The following GON4L variants were observed in gnomAD, a reference collection of about 807,000 sequenced individuals.
The protein encoded by GON4L is gon-4 like, also known as GON-4-like protein.
Under a neutral mutation model 211.8 loss-of-function variants are expected in GON4L, and 87 were observed. That is an observed-to-expected ratio of 0.41 (90% CI 0.35 to 0.49). The LOEUF (loss-of-function observed/expected upper bound fraction) is 0.49. GON4L is among the 20% of genes least tolerant of loss of function. GON4L has a pLI of 0.15. For synonymous variants in GON4L, 875 were observed against 962.6 expected (o/e 0.91, Z 1.68); for missense variants, 2,155 against 2,659.5 (o/e 0.81, Z 4.17).
At chr1:155,807,071 C>A (rs1667196267) in intron 10 of GON4L, among the ~76,000 whole-genome samples, 1 of 147,430 alleles carries the variant, frequency 6.8e-6, no homozygotes, top group African/African-American at 2.5e-5. Context: ...TGTACTCCAA[C>A]CTAAGCAAGA....
chr1:155,801,992 C>A (rs1024785252), intron 11 of GON4L, among the ~76,000 whole-genome samples: 1 of 151,508 alleles, frequency 6.6e-6, no homozygotes, highest in Non-Finnish European at 1.5e-5. Flanking sequence ...GGATTACAGG[C>A]ATGAGCCACC....
chr1:155,831,501 AAAG>A, intron 2 of GON4L: 1 of 143,158 alleles, frequency 7.0e-6, no homozygotes, highest in Non-Finnish European at 1.5e-5. Flanking sequence ...AAATAAATAA[AAAG>A]TTATTTCTAG....
chr1:155,814,775 A>G (rs548136111), intron 8 of GON4L, among the ~76,000 whole-genome samples: 3 of 152,042 alleles, frequency 2.0e-5, no homozygotes, highest in Non-Finnish European at 2.9e-5. Context: ...AATAAAATCC[A>G]TCACTCAACT....
Position 155,820,669 on chromosome 1 carries a change from A to G in GON4L, c.964-13T>C, listed in dbSNP as rs1351780770. Reference sequence around the variant, plus strand: ...TCATTTTAGGCTCCTAAGGAGAAAAAAACAGAAAGGAAATCCTCAATAAAA... The same window carrying G: ...TCATTTTAGGCTCCTAAGGAGAAAAGAACAGAAAGGAAATCCTCAATAAAA... On this transcript the variant is annotated splice_polypyrimidine_tract_variant and intron_variant, in intron 5 of 31. Coordinates refer to ENST00000368331, the MANE Select transcript of GON4L (RefSeq NM_001282860.2). 6.3e-7 allele frequency: 1 copy of G among 1,593,922 alleles called. No individual in the cohort carries two copies. Among genetic ancestry groups the G allele is most frequent in the South Asian group, 1.1e-5 (1 of 90,680 alleles).
chr1:155,752,312 A>C lies in GON4L; in HGVS notation c.6121T>G (p.Leu2041Val), dbSNP rs543337997. 6.3e-7 allele frequency: 1 copy of C among 1,592,234 alleles called. No homozygotes were observed. The highest frequency in any genetic ancestry group is 8.6e-7 in the Non-Finnish European group (1 of 1,161,274). ...LVWDASETEKLPGTVEPPASF... is the reference protein window; with the variant it reads ...LVWDASETEKVPGTVEPPASF... ...GCAGGGGGTTCCACGGTACCAGGCA[A>C]TTTCTCAGTTTCTGATGCATCCCAG... is the stretch of plus-strand genomic sequence containing the variant. The change falls in exon 30 of 32, where the codon TTG becomes GTG. Residue 2041 changes from leucine to valine, a missense_variant. By Grantham distance (32) the Leu-to-Val change is conservative. Around this residue, in one of 6 missense-constraint regions of GON4L, gnomAD observed 186 missense variants for 308.1 expected, o/e 0.60. Transcript: ENST00000368331.
intron 12 of GON4L, among the ~76,000 whole-genome samples, chr1:155,790,131 A>C (rs964473257): frequency 4.6e-5 from 7 of 151,186 alleles, no homozygotes; most frequent in Non-Finnish European, 7.4e-5. Flanking sequence ...ACAGCGTCTC[A>C]CTCTGTTGCC....
chr1:155,788,138 T>C (rs1397636169), intron 12 of GON4L, among the ~76,000 whole-genome samples: 2 of 152,114 alleles, frequency 1.3e-5, no homozygotes, highest in Non-Finnish European at 2.9e-5. Flanking sequence ...ACTACAGGCA[T>C]GCGCCACCAC....
rs1466838866 is a variant in GON4L, at chr1:155,765,319, T to G, written c.4154A>C (p.Gln1385Pro). The G allele has an allele frequency of 1.2e-6, 2 of 1,614,236 alleles. No homozygotes were observed. Among genetic ancestry groups the G allele is most frequent in the Non-Finnish European group, 8.5e-7 (1 of 1,180,032 alleles). The stretch of plus-strand genomic sequence containing the variant: ...AGAAGATGAAGGGGTTTTAGTTGGC[T>G]GACTCCTCTCCTCTTCCTTCTGTAA... ...TVLQKEEERS[Q>P]PTKTPSSSQE... Residue 1385 changes from glutamine to proline, a missense_variant, in exon 21 of 32, where the codon CAG becomes CCG. Physicochemically the swap from Gln to Pro is moderately conservative, Grantham distance 76 (BLOSUM62 -1). Around this residue, in one of 6 missense-constraint regions of GON4L, gnomAD observed 615 missense variants for 625.7 expected, o/e 0.98. Transcript: ENST00000368331.
At chr1:155,821,575 T>C in intron 4 of GON4L, 27 bp from the exon 5 acceptor site, 2 of 1,395,282 alleles carry the variant, frequency 1.4e-6, no homozygotes, top group Non-Finnish European at 2.0e-6. Flanking sequence ...TTTCACTTTA[T>C]GCAACAAGGG....
In GON4L at chr1:155,766,182, C is replaced by T; in HGVS notation, c.3291G>A (p.Val1097=). ...ESQTLLSSAP[V]PKVMLPSLAP... ...CAAGGGAGGGCAGCATTACCTTGGGCACAGGGGCAGAAGAGAGCAAAGTCT... is the reference window on the plus strand; with the variant it reads ...CAAGGGAGGGCAGCATTACCTTGGGTACAGGGGCAGAAGAGAGCAAAGTCT... The change falls in exon 21 of 32, where the codon GTG becomes GTA. Residue 1097 remains valine (V), a synonymous_variant. Coordinates refer to ENST00000368331, the MANE Select transcript of GON4L (RefSeq NM_001282860.2). The T allele has an allele frequency of 6.2e-7, 1 of 1,614,064 alleles. No individual in the cohort carries two copies. Among genetic ancestry groups the T allele is most frequent in the African/African-American group, 1.3e-5 (1 of 74,998 alleles).
At position 155,765,523 on chromosome 1, in the gene GON4L, G is replaced by A. The variant is rs1394700059; in HGVS notation, c.3950C>T (p.Thr1317Ile). The change falls in exon 21 of 32, where the codon ACC becomes ATC. Residue 1317 changes from threonine (T) to isoleucine (I), a missense_variant. Coordinates refer to ENST00000368331, the MANE Select transcript of GON4L (RefSeq NM_001282860.2). ...QGIQESLNNP[T>I]PGDLEEIVKM... is the part of the protein sequence containing the mutation. ...GACAATTTCCTCTAAATCCCCAGGGGTAGGGTTGTTTAGAGACTCCTGGAT... is the reference window on the plus strand; with the variant it reads ...GACAATTTCCTCTAAATCCCCAGGGATAGGGTTGTTTAGAGACTCCTGGAT... The A allele has an allele frequency of 6.2e-7, 1 of 1,614,132 alleles. No individual in the cohort carries two copies. Among genetic ancestry groups the A allele is most frequent in the Non-Finnish European group, 8.5e-7 (1 of 1,180,034 alleles).
At chr1:155,779,851 G>C (rs1193862677) in intron 14 of GON4L, among the ~76,000 whole-genome samples, 1 of 151,920 alleles carries the variant, frequency 6.6e-6, no homozygotes, top group Admixed American at 6.6e-5. Context: ...AGGCTGGACT[G>C]CAGTGGCATG....
Position 155,750,279 on chromosome 1 carries a change from T to G in GON4L, c.*305A>C, listed in dbSNP as rs9427226. ...CTTTTTACATTTAGAAACACTGTGATTAGACCACAGAACAATAAATATGTG... is the reference window on the plus strand; with the variant it reads ...CTTTTTACATTTAGAAACACTGTGAGTAGACCACAGAACAATAAATATGTG... On this transcript the variant is annotated 3_prime_UTR_variant, in exon 32 of 32. Transcript: ENST00000368331. 14,509 of 584,894 alleles carry G rather than the reference T, an allele frequency of 0.025. 1,684 individuals carry two copies. Among genetic ancestry groups the G allele is most frequent in the African/African-American group, 0.25 (13,026 of 52,634 alleles). The allele number at this position is 584,894 out of a possible 1,614,324, so 36.2% of individuals were successfully genotyped here.
chr1:155,799,032 C>T (rs1301802566), intron 11 of GON4L, among the ~76,000 whole-genome samples: 1 of 152,126 alleles, frequency 6.6e-6, no homozygotes, highest in Non-Finnish European at 1.5e-5. Context: ...AGCTGATATA[C>T]CCCTCCTGTA....
intron 19 of GON4L, among the ~76,000 whole-genome samples, chr1:155,769,291 T>G (rs1662913671): frequency 6.6e-6 from 1 of 151,922 alleles, no homozygotes; most frequent in African/African-American, 2.4e-5. Context: ...TTTTAAAAAT[T>G]TAGAAAAAAA....
At chr1:155,801,127 AAAAAAAAAG>A (rs1455802908) in intron 11 of GON4L, among the ~76,000 whole-genome samples, 3 of 151,440 alleles carry the variant, frequency 2.0e-5, no homozygotes, top group African/African-American at 7.3e-5. Context: ...AAAAAAAAAA[AAAAAAAAAG>A]AACTCTCTGT....
intron 2 of GON4L, among the ~76,000 whole-genome samples, chr1:155,853,052 C>T (rs1460482214): frequency 6.6e-6 from 1 of 151,952 alleles, no homozygotes; most frequent in Non-Finnish European, 1.5e-5. Context: ...GTGGAGGCTG[C>T]AGTGAGTCAA....
chr1:155,781,068 A>G (rs945262590), intron 14 of GON4L, among the ~76,000 whole-genome samples: 5 of 152,124 alleles, frequency 3.3e-5, no homozygotes, highest in African/African-American at 1.2e-4. Flanking sequence ...GGAACAGAAG[A>G]CCAGAAGCAT....
chr1:155,815,086 G>A (rs572394860), intron 8 of GON4L, among the ~76,000 whole-genome samples: 46 of 152,178 alleles, frequency 3.0e-4, no homozygotes, highest in Middle Eastern at 3.4e-3. Context: ...GCACTCCATG[G>A]GCAACAGAGG....
Sources: allele counts gnomAD v4.1 joint callset (sites outside exome capture counted in the v4.1 genomes callset), GRCh38; gene constraint gnomAD v4.1.1; regional missense constraint gnomAD v4.1.1; transcripts MANE v1.5; gene names NCBI Gene and HGNC (gene_info 2026-07-23, HGNC 2026-07-21).